The following SLCO1B1 variants were observed in gnomAD, a reference collection of about 807,000 sequenced individuals.
SLCO1B1 encodes OATP-2.
A neutral mutation model predicts 70.1 loss-of-function variants in SLCO1B1; 81 were observed. The ratio of observed to expected loss-of-function variants is 1.16; its 90% CI spans 0.97 to 1.39. The LOEUF (loss-of-function observed/expected upper bound fraction) is 1.39. Among genes scored for constraint, SLCO1B1 ranks in the 40% most tolerant of loss-of-function variants. The pLI is 0.00. For missense variants in SLCO1B1, 895 were observed against 799.6 expected (o/e 1.12, Z -1.44); for synonymous variants, 283 against 271.5 (o/e 1.04, Z -0.42).
chr12:21,184,552 T>A (rs970181808), intron 7 of SLCO1B1, among the ~76,000 whole-genome samples: 2 of 152,136 alleles, frequency 1.3e-5, no homozygotes, highest in Admixed American at 6.6e-5. Flanking sequence ...CTCCTTCTCA[T>A]ACAAGCAAAC....
Position 21,179,008 on chromosome 12 carries a change from T to G in SLCO1B1, c.715T>G (p.Tyr239Asp). 1 of 1,598,964 alleles carries G rather than the reference T, an allele frequency of 6.3e-7. No homozygotes were observed. The highest frequency in any genetic ancestry group is 1.1e-5 in the South Asian group (1 of 90,784). Residue 239 changes from tyrosine to aspartate, a missense_variant, in exon 7 of 15, where the codon TAT becomes GAT. Coordinates refer to ENST00000256958, the MANE Select transcript of SLCO1B1 (RefSeq NM_006446.5). Reference sequence around the variant, plus strand: ...TTCTAAAATGTACGTGGATATTGGATATGTAGATCTAAGTAAGTACAACCA... The same window carrying G: ...TTCTAAAATGTACGTGGATATTGGAGATGTAGATCTAAGTAAGTACAACCA... ...LFSKMYVDIG[Y>D]VDLSTIRITP... is the part of the protein sequence containing the mutation.
rs762874802 is a variant in SLCO1B1, at chr12:21,172,719, A to G, written c.154A>G (p.Ile52Val). The G allele has an allele frequency of 7.4e-6, 12 of 1,613,650 alleles. No individual in the cohort carries two copies. Among genetic ancestry groups the G allele is most frequent in the East Asian group, 2.2e-5 (1 of 44,848 alleles). ...AGGTGCAATTATTATGAAAAGTTCC[A>G]TCATTCATATAGAACGGAGATTTGA... ...TLGAIIMKSS[I>V]IHIERRFEIS... is the part of the protein sequence containing the mutation. Residue 52 changes from isoleucine to valine, a missense_variant, in exon 3 of 15, where the codon ATC (isoleucine) becomes GTC (valine). Coordinates refer to ENST00000256958, the MANE Select transcript of SLCO1B1 (RefSeq NM_006446.5).
chr12:21,223,089 C>A (rs1397931210), intron 13 of SLCO1B1, among the ~76,000 whole-genome samples: 2 of 152,038 alleles, frequency 1.3e-5, no homozygotes, highest in East Asian at 1.9e-4. Flanking sequence ...ACCTGGGTGA[C>A]AAAAGCTTAA....
intron 14 of SLCO1B1, among the ~76,000 whole-genome samples, chr12:21,226,635 ATGT>A (rs1941485084): frequency 6.6e-6 from 1 of 152,104 alleles, no homozygotes; most frequent in African/African-American, 2.4e-5. Context: ...TGGATACATG[ATGT>A]TATGTATTTG....
intron 11 of SLCO1B1, 75 bp downstream of exon 11, chr12:21,206,108 T>A: frequency 8.2e-7 from 1 of 1,226,220 alleles, no homozygotes; most frequent in South Asian, 1.2e-5. Flanking sequence ...ACCAAATATT[T>A]CTGTAACTAA....
chr12:21,180,192 T>C lies in SLCO1B1; in HGVS notation c.727+1172T>C, dbSNP rs1940877574. Among the ~76,000 whole-genome samples, 3 of 152,292 alleles carry C rather than the reference T, an allele frequency of 2.0e-5. 1 individual carries two copies. The South Asian group carries it at 6.2e-4, about 32-fold the overall frequency. ...TCACCTTACCTCCAACCCCACTGTA[T>C]TCCCTATATTCCTCCTTTTGATGAA... On this transcript the variant is annotated intron_variant, in intron 7 of 14. Coordinates refer to ENST00000256958, the MANE Select transcript of SLCO1B1 (RefSeq NM_006446.5).
At chr12:21,148,665 T>C (rs899945677) in intron 2 of SLCO1B1, among the ~76,000 whole-genome samples, 13 of 151,636 alleles carry the variant, frequency 8.6e-5, no homozygotes, top group Non-Finnish European at 1.5e-4. Flanking sequence ...GCTTTGTTCT[T>C]TTTGCTTAGG....
intron 2 of SLCO1B1, among the ~76,000 whole-genome samples, chr12:21,149,635 C>G (rs954333034): frequency 6.6e-6 from 1 of 152,084 alleles, no homozygotes; most frequent in Non-Finnish European, 1.5e-5. Context: ...AGGGAAGCCA[C>G]GAGGGACTGT....
chr12:21,194,058 T>C (rs145905308), intron 7 of SLCO1B1, among the ~76,000 whole-genome samples: 1,926 of 152,294 alleles, frequency 0.013, 35 homozygotes, highest in African/African-American at 0.044. Flanking sequence ...CCCAAAGTGC[T>C]GGGATTACAG....
At chr12:21,227,808 C>CT (rs1759665666) in intron 14 of SLCO1B1, among the ~76,000 whole-genome samples, 1 of 151,892 alleles carries the variant, frequency 6.6e-6, no homozygotes, top group Admixed American at 6.6e-5. Flanking sequence ...GACCCTAAAA[C>CT]TATTTTTTAA....
At chr12:21,230,930 C>G (rs10841764) in intron 14 of SLCO1B1, among the ~76,000 whole-genome samples, 51,113 of 150,100 alleles carry the variant, frequency 0.34, 9,021 homozygotes, top group East Asian at 0.44. Context: ...CCATTAACTA[C>G]TCATTTACAT....
chr12:21,235,896 G>A (rs1296831515), intron 14 of SLCO1B1, among the ~76,000 whole-genome samples: 1 of 152,010 alleles, frequency 6.6e-6, no homozygotes, highest in Non-Finnish European at 1.5e-5. Context: ...AGCTTGTAAT[G>A]TATCTGCTGG....
chr12:21,230,323 CT>C (rs745494878), intron 14 of SLCO1B1, among the ~76,000 whole-genome samples: 9,259 of 70,406 alleles, frequency 0.13, 201 homozygotes, highest in East Asian at 0.24. Flanking sequence ...CTGTAGTATT[CT>C]TTTTTTTTTT....
intron 11 of SLCO1B1, among the ~76,000 whole-genome samples, chr12:21,210,844 T>C (rs1591821965): frequency 6.6e-6 from 1 of 151,940 alleles, no homozygotes; most frequent in East Asian, 1.9e-4. Flanking sequence ...AGTTCACTCA[T>C]GATTTGGCTC....
chr12:21,238,477 T>A lies in SLCO1B1; in HGVS notation c.1866-502T>A, dbSNP rs1247006409. Among the ~76,000 whole-genome samples, 6 of 152,134 alleles carry A rather than the reference T, an allele frequency of 3.9e-5. No individual in the cohort carries two copies. The East Asian group carries it at 1.2e-3, about 29-fold the overall frequency. On this transcript the variant is annotated intron_variant, in intron 14 of 14. Coordinates refer to ENST00000256958, the MANE Select transcript of SLCO1B1 (RefSeq NM_006446.5). ...CTTATTCCTTTCAATCTATGTTTTT[T>A]TTTTCACTTTTGGTATGACTGGCAA...
chr12:21,147,552 G>A (rs539014498), intron 2 of SLCO1B1, among the ~76,000 whole-genome samples: 1 of 152,210 alleles, frequency 6.6e-6, no homozygotes, highest in South Asian at 2.1e-4. Flanking sequence ...CTGCTCCTAT[G>A]TTAGTTTACT....
chr12:21,133,430 C>A (rs1043884445), intron 1 of SLCO1B1, among the ~76,000 whole-genome samples: 2 of 152,144 alleles, frequency 1.3e-5, no homozygotes, highest in African/African-American at 2.4e-5. Context: ...GACAGTATGG[C>A]CATTTTCATG....
At chr12:21,188,662 A>G (rs377207649) in intron 7 of SLCO1B1, among the ~76,000 whole-genome samples, 7 of 152,078 alleles carry the variant, frequency 4.6e-5, no homozygotes, top group African/African-American at 1.7e-4. Context: ...GTGAATTCTC[A>G]TGAGATTTAT....
At chr12:21,227,810 A>AT (rs1941496627) in intron 14 of SLCO1B1, among the ~76,000 whole-genome samples, 1 of 116,182 alleles carries the variant, frequency 8.6e-6, no homozygotes, top group African/African-American at 2.7e-5. Context: ...CCCTAAAACT[A>AT]TTTTTTAAGC....
Sources: gnomAD v4.1 joint callset for allele counts (sites outside exome capture counted in the v4.1 genomes callset) on GRCh38, gnomAD v4.1.1 for gene constraint, MANE v1.5 for transcripts, NCBI Gene and HGNC (gene_info 2026-07-23, HGNC 2026-07-21) for gene names.